The following MAML3 variants were observed in gnomAD, a reference collection of about 807,000 sequenced individuals.
The protein encoded by MAML3 is mastermind like transcriptional coactivator 3, also known as mastermind-like protein 3.
In MAML3, 27 loss-of-function variants were observed where a neutral mutation model predicts 101.9. The observed-to-expected ratio is 0.27, with a 90% CI of 0.20 to 0.37. The LOEUF (loss-of-function observed/expected upper bound fraction) is 0.37. Among genes scored for constraint, MAML3 ranks in the 10% least tolerant of loss-of-function variants. MAML3 has a pLI of 1.00. For missense variants in MAML3, 1,316 were observed against 1,444.9 expected (o/e 0.91, Z 1.45); for synonymous variants, 501 against 555.9 (o/e 0.90, Z 1.39).
At chr4:140,001,640 T>C (rs1167376556) in intron 1 of MAML3, among the ~76,000 whole-genome samples, 1 of 152,246 alleles carries the variant, frequency 6.6e-6, no homozygotes, top group African/African-American at 2.4e-5. Context: ...TTTTATTTTG[T>C]GTATTAACTA....
Position 139,719,468 on chromosome 4 carries a change from T to C in MAML3, c.3272A>G (p.Asp1091Gly). Residue 1091 changes from aspartate (D) to glycine (G), a missense_variant, in exon 5 of 5, where the codon GAC becomes GGC. Asp to Gly is a moderately conservative substitution (Grantham distance 94, BLOSUM62 -1). Coordinates refer to ENST00000509479, the MANE Select transcript of MAML3 (RefSeq NM_018717.5). ...SQAYERNAPQ[D>G]VSYNYSGDGA... ...GTCGCCACTGTAATTGTATGACACG[T>C]CCTGAGGGGCATTCCGCTCATAGGC... 1.2e-6 allele frequency: 2 copies of C among 1,613,968 alleles called. No homozygotes were observed. Among genetic ancestry groups the C allele is most frequent in the South Asian group, 1.1e-5 (1 of 91,078 alleles).
chr4:139,864,400 C>T (rs956201009), intron 2 of MAML3, among the ~76,000 whole-genome samples: 2 of 152,078 alleles, frequency 1.3e-5, no homozygotes, highest in African/African-American at 4.8e-5. Context: ...TTTCATGGGC[C>T]AGGTGCGGCG....
intron 1 of MAML3, among the ~76,000 whole-genome samples, chr4:140,105,462 T>C (rs1326559379): frequency 1.3e-5 from 2 of 152,160 alleles, no homozygotes; most frequent in Non-Finnish European, 2.9e-5. Context: ...GTATCAAGGA[T>C]TCCCACAGAC....
At chr4:139,813,104 G>A (rs759435693) in intron 2 of MAML3, among the ~76,000 whole-genome samples, 4 of 151,422 alleles carry the variant, frequency 2.6e-5, no homozygotes, top group African/African-American at 7.2e-5. Flanking sequence ...AGGGTGGGAA[G>A]GTTAGGTTAA....
At chr4:140,145,868 T>C (rs1275536031) in intron 1 of MAML3, among the ~76,000 whole-genome samples, 3 of 54,752 alleles carry the variant, frequency 5.5e-5, no homozygotes, top group Admixed American at 2.5e-4. Context: ...TGGCCTTTTT[T>C]TTCTTTTTTC....
intron 1 of MAML3, among the ~76,000 whole-genome samples, chr4:139,996,769 T>C (rs888984397): frequency 6.6e-6 from 1 of 151,872 alleles, no homozygotes; most frequent in Non-Finnish European, 1.5e-5. Flanking sequence ...TCACATTAAA[T>C]ATATTATTGG....
intron 1 of MAML3, among the ~76,000 whole-genome samples, chr4:140,006,766 T>G (rs1184598883): frequency 6.6e-6 from 1 of 152,154 alleles, no homozygotes; most frequent in East Asian, 1.9e-4. Flanking sequence ...GAATTAAAAT[T>G]GATATTCTAT....
At chr4:139,945,613 C>T (rs1302398173) in intron 1 of MAML3, among the ~76,000 whole-genome samples, 1 of 152,182 alleles carries the variant, frequency 6.6e-6, no homozygotes, top group Non-Finnish European at 1.5e-5. Flanking sequence ...ATTAATAAAT[C>T]ATGTTAACTT....
chr4:139,732,618 T>TA (rs1728772134), intron 2 of MAML3, among the ~76,000 whole-genome samples: 1 of 151,578 alleles, frequency 6.6e-6, no homozygotes, highest in African/African-American at 2.4e-5. Flanking sequence ...TTTACTTTTT[T>TA]AAAAAATGTA....
At chr4:139,803,689 T>C (rs542645829) in intron 2 of MAML3, among the ~76,000 whole-genome samples, 4 of 152,138 alleles carry the variant, frequency 2.6e-5, no homozygotes, top group African/African-American at 9.7e-5. Context: ...ATGATGAAAA[T>C]AATAACACCA....
At chr4:139,756,629 T>C (rs2111048320) in intron 2 of MAML3, among the ~76,000 whole-genome samples, 1 of 152,320 alleles carries the variant, frequency 6.6e-6, no homozygotes, top group Non-Finnish European at 1.5e-5. Flanking sequence ...GACTTGGTTG[T>C]GGCTGTGCTT....
chr4:139,723,564 G>A (rs1264529092), intron 4 of MAML3, among the ~76,000 whole-genome samples: 1 of 152,082 alleles, frequency 6.6e-6, no homozygotes, highest in Non-Finnish European at 1.5e-5. Context: ...TGCCCGCCTC[G>A]GCCTCCCAAC....
intron 2 of MAML3, among the ~76,000 whole-genome samples, chr4:139,805,082 G>A (rs1199581216): frequency 6.6e-6 from 1 of 152,204 alleles, no homozygotes; most frequent in Non-Finnish European, 1.5e-5. Flanking sequence ...AGGAGGCTGA[G>A]GCAGGAGAAT....
At chr4:139,863,585 G>A (rs1731826927) in intron 2 of MAML3, among the ~76,000 whole-genome samples, 1 of 151,880 alleles carries the variant, frequency 6.6e-6, no homozygotes, top group Non-Finnish European at 1.5e-5. Context: ...CCTGACCTTA[G>A]GTGATCCTCC....
chr4:139,758,636 C>T (rs774634999), intron 2 of MAML3, among the ~76,000 whole-genome samples: 4 of 152,258 alleles, frequency 2.6e-5, no homozygotes, highest in Non-Finnish European at 5.9e-5. Flanking sequence ...GGAGTATGCT[C>T]GGTACGTTAT....
Position 140,125,609 on chromosome 4 carries a change from G to T in MAML3, c.468+27251C>A, listed in dbSNP as rs1034724601. ...CTCCTATGTAGAGGAGAAGGTACAG[G>T]TTTTTTGTCTGTCTCTTTGTTTGTT... On this transcript the variant is annotated intron_variant, in intron 1 of 4. Coordinates refer to ENST00000509479, the MANE Select transcript of MAML3 (RefSeq NM_018717.5). Among the ~76,000 whole-genome samples, 13 of 152,016 alleles carry T rather than the reference G, an allele frequency of 8.6e-5. 1 individual carries two copies. The highest frequency in any genetic ancestry group is 4.2e-4 in the South Asian group (2 of 4,816).
intron 2 of MAML3, among the ~76,000 whole-genome samples, chr4:139,834,040 A>G (rs904590069): frequency 9.2e-5 from 14 of 152,206 alleles, no homozygotes; most frequent in African/African-American, 3.1e-4. Context: ...GTTGACATTA[A>G]AACTTTATCC....
chr4:139,723,306 GTTTT>G (rs954168316), intron 4 of MAML3, among the ~76,000 whole-genome samples: 1 of 151,564 alleles, frequency 6.6e-6, no homozygotes, highest in Non-Finnish European at 1.5e-5. Context: ...TTTGTCTCTG[GTTTT>G]TTTTGTTTCT....
chr4:139,988,413 A>G (rs2110822008), intron 1 of MAML3, among the ~76,000 whole-genome samples: 1 of 152,218 alleles, frequency 6.6e-6, no homozygotes, highest in East Asian at 1.9e-4. Flanking sequence ...AATAATGGGA[A>G]CTAATTGAAA....
Sources: gnomAD v4.1 joint callset for allele counts (sites outside exome capture counted in the v4.1 genomes callset) on GRCh38, gnomAD v4.1.1 for gene constraint, MANE v1.5 for transcripts, NCBI Gene and HGNC (gene_info 2026-07-23, HGNC 2026-07-21) for gene names.